Variants in TERF2 observed in about 807,000 individuals in gnomAD.
The protein encoded by TERF2 is telomeric repeat-binding factor 2.
In TERF2, 16 loss-of-function variants were observed where a neutral mutation model predicts 56.1. The ratio of observed to expected loss-of-function variants is 0.29; its 90% confidence interval spans 0.19 to 0.43. TERF2 has a LOEUF of 0.43. Ranked by LOEUF, TERF2 falls within the 20% of genes least tolerant of loss-of-function variation. TERF2 has a pLI of 1.00. For missense variants in TERF2, 547 were observed against 712.9 expected (o/e 0.77, Z 2.65); for synonymous variants, 296 against 282.1 (o/e 1.05, Z -0.50).
At chr16:69,376,415 A>C (rs1485738209) in intron 3 of TERF2, among the ~76,000 whole-genome samples, 1 of 152,202 alleles carries the variant, frequency 6.6e-6, no homozygotes, top group African/African-American at 2.4e-5. Flanking sequence ...CTATAGTCGT[A>C]ATTACTGTAA....
At chr16:69,361,735 C>A (rs2013148611) in intron 7 of TERF2, among the ~76,000 whole-genome samples, 1 of 151,924 alleles carries the variant, frequency 6.6e-6, no homozygotes, top group South Asian at 2.1e-4. Flanking sequence ...AAGCACATCA[C>A]CACCCCTCTA....
At chr16:69,367,316 G>T in intron 6 of TERF2, 117 bp from the exon 7 acceptor site, 2 of 1,055,724 alleles carry the variant, frequency 1.9e-6, no homozygotes, top group Non-Finnish European at 2.7e-6. Flanking sequence ...CTTTAAATGT[G>T]ATATGTAAGT....
chr16:69,361,895 C>A (rs926445382), intron 7 of TERF2, among the ~76,000 whole-genome samples: 1 of 110,340 alleles, frequency 9.1e-6, no homozygotes, highest in Non-Finnish European at 2.0e-5. Flanking sequence ...CGTTTCCATT[C>A]CCCCTTGTTC....
rs2014173217 is a variant in TERF2, at chr16:69,385,675, G to C, written c.297C>G (p.Leu99=). The change falls in exon 1 of 10, where the codon CTC becomes CTG. Residue 99 remains leucine (L), a synonymous_variant. Coordinates refer to ENST00000254942, the MANE Select transcript of TERF2 (RefSeq NM_005652.5). The part of the protein sequence containing the change: ...RLEEAVNRWV[L]KFYFHEALRA... ...GCAGCGCCTCGTGGAAGTAGAACTT[G>C]AGCACCCAGCGATTGACTGCCTCTT... 2 of 1,610,870 alleles carry C rather than the reference G, an allele frequency of 1.2e-6. No individual in the cohort carries two copies. Among genetic ancestry groups the C allele is most frequent in the South Asian group, 1.1e-5 (1 of 90,930 alleles).
At chr16:69,357,790 C>A (rs576069279) in intron 8 of TERF2, among the ~76,000 whole-genome samples, 1 of 152,060 alleles carries the variant, frequency 6.6e-6, no homozygotes, top group East Asian at 1.9e-4. Flanking sequence ...AACAGGCATC[C>A]GTAAATGCTG....
chr16:69,374,694 G>T (rs75821785), intron 3 of TERF2, among the ~76,000 whole-genome samples: 1 of 123,168 alleles, frequency 8.1e-6, no homozygotes. Context: ...AGGGCCAGGC[G>T]CAGTGGCTCG....
At chr16:69,361,197 A>G (rs1443382223) in intron 8 of TERF2, among the ~76,000 whole-genome samples, 3 of 151,674 alleles carry the variant, frequency 2.0e-5, no homozygotes, top group African/African-American at 4.8e-5. Flanking sequence ...ACACCACTGC[A>G]TTCTGGCCTG....
At chr16:69,372,505 G>C in intron 3 of TERF2, 150 bp from the exon 4 acceptor site, 1 of 506,374 alleles carries the variant, frequency 2.0e-6, no homozygotes, top group Non-Finnish European at 3.4e-6. Context: ...GCTCACGCCT[G>C]TAATCCCAGC....
intron 3 of TERF2, among the ~76,000 whole-genome samples, chr16:69,377,723 T>C (rs2013846449): frequency 6.6e-6 from 1 of 152,260 alleles, no homozygotes; most frequent in South Asian, 2.1e-4. Flanking sequence ...GGTAATTTCA[T>C]TTTGAATTGT....
Position 69,356,891 on chromosome 16 carries a change from G to A in TERF2, c.*7C>T. The A allele has an allele frequency of 1.9e-6, 3 of 1,608,284 alleles. No homozygotes were observed. Among genetic ancestry groups the A allele is most frequent in the Non-Finnish European group, 2.5e-6 (3 of 1,177,244 alleles). On this transcript the variant is annotated 3_prime_UTR_variant, in exon 10 of 10. Transcript: ENST00000254942. The stretch of plus-strand genomic sequence containing the variant: ...TCCTGTGAATTCTGTGGAAATGAAA[G>A]CCTGTTTCAGTTCATGCCAAGTCTT...
chr16:69,384,448 T>G, intron 3 of TERF2, 132 bp downstream of exon 3: 1 of 906,294 alleles, frequency 1.1e-6, no homozygotes, highest in Non-Finnish European at 1.6e-6. Flanking sequence ...CGTCTGTGTG[T>G]GTGCTTTCTT....
At chr16:69,385,029 T>A (rs1209221566) in intron 2 of TERF2, among the ~76,000 whole-genome samples, 2 of 152,148 alleles carry the variant, frequency 1.3e-5, no homozygotes, top group Non-Finnish European at 2.9e-5. Flanking sequence ...AACAGCTAAA[T>A]AGCTTTCAAG....
intron 5 of TERF2, 189 bp from the exon 6 acceptor site, chr16:69,368,671 T>G: frequency 7.0e-7 from 1 of 1,430,094 alleles, no homozygotes; most frequent in Non-Finnish European, 9.4e-7. Context: ...TATTCAAACT[T>G]AAGATAACTA....
chr16:69,369,280 C>T (rs2013477202), intron 5 of TERF2, among the ~76,000 whole-genome samples: 1 of 152,104 alleles, frequency 6.6e-6, no homozygotes, highest in Non-Finnish European at 1.5e-5. Flanking sequence ...TGGACACTAT[C>T]CTAATATGGG....
At chr16:69,358,130 A>G (rs1174329587) in intron 8 of TERF2, among the ~76,000 whole-genome samples, 1 of 151,970 alleles carries the variant, frequency 6.6e-6, no homozygotes, top group Non-Finnish European at 1.5e-5. Flanking sequence ...CTCCTGCCTC[A>G]GCCTCCCGAG....
At chr16:69,381,687 C>T (rs2014005733) in intron 3 of TERF2, among the ~76,000 whole-genome samples, 1 of 151,842 alleles carries the variant, frequency 6.6e-6, no homozygotes. Context: ...CACTATGTTA[C>T]CCAGGCTGGT....
chr16:69,384,605 G>A lies in TERF2; in HGVS notation c.581C>T (p.Ser194Phe). Residue 194 changes from serine (S) to phenylalanine (F), a missense_variant, in exon 3 of 10, where the codon TCC becomes TTC. Ser to Phe is a radical substitution (Grantham distance 155, BLOSUM62 -2). Transcript: ENST00000254942. The stretch of plus-strand genomic sequence containing the variant: ...AGCTTCCTTGACCAGTTTTCTACTG[G>A]ATTCGACCACTGCTTCTGTCAGTGT... ...EFTLTEAVVE[S>F]SRKLVKEAAV... The A allele has an allele frequency of 6.2e-7, 1 of 1,613,884 alleles. No individual in the cohort carries two copies. Among genetic ancestry groups the A allele is most frequent in the Non-Finnish European group, 8.5e-7 (1 of 1,179,952 alleles).
At chr16:69,359,527 CAAA>C (rs71383990) in intron 8 of TERF2, among the ~76,000 whole-genome samples, 6 of 103,528 alleles carry the variant, frequency 5.8e-5, no homozygotes, top group Non-Finnish European at 6.0e-5. Context: ...GACTCTGTCT[CAAA>C]AAAAAAAAAA....
In TERF2 at chr16:69,385,963, C is replaced by G; in HGVS notation, c.9G>C (p.Ala3=). MA[A]GAGTAGPASG... ...AAGCGGGGCCCGCCGTCCCGGCTCC[C>G]GCGGCCATGATAGAAACAGCGTTCC... Residue 3 remains alanine (A), a synonymous_variant, in exon 1 of 10, where the codon GCG becomes GCC. Transcript: ENST00000254942. 1.5e-6 allele frequency: 2 copies of G among 1,357,172 alleles called. No individual in the cohort carries two copies. Among genetic ancestry groups the G allele is most frequent in the Non-Finnish European group, 9.5e-7 (1 of 1,055,066 alleles). The allele number at this position is 1,357,172 out of a possible 1,614,324, so 84.1% of individuals were successfully genotyped here.
Sources: allele counts gnomAD v4.1 joint callset (sites outside exome capture counted in the v4.1 genomes callset), GRCh38; gene constraint gnomAD v4.1.1; transcripts MANE v1.5; gene names NCBI Gene and HGNC (gene_info 2026-07-23, HGNC 2026-07-21).